Variants in TMPRSS6 observed in about 807,000 individuals in gnomAD.
TMPRSS6 encodes the protein transmembrane protease serine 6.
Under a neutral mutation model 101.5 loss-of-function variants are expected in TMPRSS6, and 67 were observed. That is an observed-to-expected ratio of 0.66 (90% CI 0.54 to 0.81). The LOEUF (loss-of-function observed/expected upper bound fraction) is 0.81. Among genes scored for constraint, TMPRSS6 ranks in the 30% least tolerant of loss-of-function variants. The probability of loss-of-function intolerance (pLI) is 0.00; values close to 1 mark genes in which losing one functional copy is unlikely to be tolerated. For missense variants in TMPRSS6, 1,034 were observed against 1,088.7 expected (o/e 0.95, Z 0.71); for synonymous variants, 453 against 464.9 (o/e 0.97, Z 0.33).
chr22:37,091,278 G>A (rs535813675), intron 6 of TMPRSS6, among the ~76,000 whole-genome samples: 50 of 152,308 alleles, frequency 3.3e-4, no homozygotes, highest in African/African-American at 1.1e-3. Flanking sequence ...GATGTGGGAG[G>A]CAGCCTGGTG....
At chr22:37,081,443 G>A (rs576422706) in intron 10 of TMPRSS6, among the ~76,000 whole-genome samples, 100 of 152,298 alleles carry the variant, frequency 6.6e-4, no homozygotes, top group African/African-American at 2.3e-3. Context: ...TTGGAATGGC[G>A]TTTGGCCAGG....
At position 37,101,815 on chromosome 22, in the gene TMPRSS6, C is replaced by T. The variant is rs1291788794; in HGVS notation, c.202+1401G>A. 1.3e-5 allele frequency among the ~76,000 whole-genome samples: 2 copies of T among 152,176 alleles called. No homozygotes were observed. The highest frequency in any genetic ancestry group is 1.3e-4 in the Admixed American group (2 of 15,282). On this transcript the variant is annotated intron_variant, in intron 2 of 17. Coordinates refer to ENST00000676104, the MANE Select transcript of TMPRSS6 (RefSeq NM_001374504.1). The surrounding 1 kb of genome is among the most constrained non-coding windows in gnomAD (Gnocchi z 4.1). Reference sequence around the variant, plus strand: ...GCAGGTGAGTTCCTGGCCCTCCAGCCCAGTGCCCCGTGGTTTACCCTGTAG... The same window carrying T: ...GCAGGTGAGTTCCTGGCCCTCCAGCTCAGTGCCCCGTGGTTTACCCTGTAG...
chr22:37,082,307 C>G (rs1928332799), intron 10 of TMPRSS6, among the ~76,000 whole-genome samples: 1 of 152,206 alleles, frequency 6.6e-6, no homozygotes, highest in African/African-American at 2.4e-5. Context: ...CCCCACAACC[C>G]CTGAATGCTG....
chr22:37,103,691 A>G lies in TMPRSS6; in HGVS notation c.-1-273T>C, dbSNP rs1413478017. The G allele has an allele frequency of 1.4e-5, 16 of 1,143,400 alleles. No individual in the cohort carries two copies. In the South Asian group the frequency reaches 1.8e-4, roughly 13 times the overall value. The allele number at this position is 1,143,400 out of a possible 1,614,324, so 70.8% of individuals were successfully genotyped here. On this transcript the variant is annotated intron_variant, in intron 1 of 17. Coordinates refer to ENST00000676104, the MANE Select transcript of TMPRSS6 (RefSeq NM_001374504.1). The surrounding 1 kb of genome is among the most constrained non-coding windows in gnomAD (Gnocchi z 4.4). ...GCTTCCCACTGGCTTCCCTATGGTC[A>G]GAGGACAGACGGAGGTCTCAGTACC... is the stretch of plus-strand genomic sequence containing the variant.
chr22:37,084,456 G>C, intron 9 of TMPRSS6, 52 bp from the exon 10 acceptor site: 1 of 1,344,666 alleles, frequency 7.4e-7, no homozygotes, highest in South Asian at 1.2e-5. Context: ...GGCCAGGTTG[G>C]TGAACCCACC....
Position 37,103,790 on chromosome 22 carries a change from T to A in TMPRSS6, c.-1-372A>T, listed in dbSNP as rs377481248. On this transcript the variant is annotated intron_variant, in intron 1 of 17. Coordinates refer to ENST00000676104, the MANE Select transcript of TMPRSS6 (RefSeq NM_001374504.1). The surrounding 1 kb of genome is among the most constrained non-coding windows in gnomAD (Gnocchi z 4.4). ...CATGGGGTGCAGACTTCTGTAGACA[T>A]CTGACCTCTTGCCCTCATTTCCCGT... 7.8e-4 allele frequency: 465 copies of A among 599,450 alleles called. 3 individuals carry two copies. The South Asian group carries it at 8.8e-3, about 11-fold the overall frequency. 37.1% of individuals were successfully genotyped at this position (599,450 alleles called of 1,614,324 possible).
chr22:37,102,526 A>G (rs752899050), intron 2 of TMPRSS6, among the ~76,000 whole-genome samples: 32 of 152,340 alleles, frequency 2.1e-4, no homozygotes, highest in African/African-American at 7.2e-4. Context: ...CATTTATTCC[A>G]TGAATGAATG....
At chr22:37,070,895 C>CG (rs1568997545) in intron 14 of TMPRSS6, 21 bp downstream of exon 14, 1 of 1,609,500 alleles carries the variant, frequency 6.2e-7, no homozygotes, top group Admixed American at 1.7e-5. Context: ...TCCAGGGCCC[C>CG]GGCAGCCAGG....
In TMPRSS6 at chr22:37,101,130, T is replaced by G. The variant is rs1463751396; in HGVS notation, c.202+2086A>C. On this transcript the variant is annotated intron_variant, in intron 2 of 17. Transcript: ENST00000676104. This position sits in a 1 kb window ranked among gnomAD's most constrained non-coding sequence, Gnocchi z 4.1. ...ATGGGGGAGGCACCCCAAGGGACAC[T>G]GGGGGAGAGAGGGCATCCTTGCTGG... Among the ~76,000 whole-genome samples the G allele has an allele frequency of 6.6e-6, 1 of 150,798 alleles. No individual in the cohort carries two copies. Among genetic ancestry groups the G allele is most frequent in the Non-Finnish European group, 1.5e-5 (1 of 67,682 alleles).
At chr22:37,094,428 T>TAGATAGAG (rs1555891517) in intron 6 of TMPRSS6, among the ~76,000 whole-genome samples, 3,741 of 136,192 alleles carry the variant, frequency 0.027, 62 homozygotes, top group East Asian at 0.043. Context: ...GATAGATAGA[T>TAGATAGAG]ATAAACAGAC....
At chr22:37,085,357 G>C (rs376038322) in intron 8 of TMPRSS6, among the ~76,000 whole-genome samples, 1 of 152,086 alleles carries the variant, frequency 6.6e-6, no homozygotes, top group Non-Finnish European at 1.5e-5. Flanking sequence ...CTCCCGCCTC[G>C]AGCCTGTGTC....
chr22:37,084,793 G>A lies in TMPRSS6; in HGVS notation c.1020C>T (p.Gly340=), dbSNP rs199892352. The A allele has an allele frequency of 4.7e-4, 733 of 1,564,520 alleles. 1 individual carries two copies. Among genetic ancestry groups the A allele is most frequent in the East Asian group, 1.6e-4 (7 of 42,442 alleles). The part of the protein sequence containing the change: ...LTLDNRLDSQ[G]VLSTPYFPSY... ...TGGGGAAGTACGGGGTGCTGAGGAC[G>A]CCCTGGGAGTCGAGCCTGTTGTCCA... Residue 340 remains glycine, a synonymous_variant, in exon 9 of 18, where the codon GGC becomes GGT. Coordinates refer to ENST00000676104, the MANE Select transcript of TMPRSS6 (RefSeq NM_001374504.1).
chr22:37,077,100 C>T (rs1601531969), intron 10 of TMPRSS6, among the ~76,000 whole-genome samples: 1 of 152,194 alleles, frequency 6.6e-6, no homozygotes, highest in South Asian at 2.1e-4. Context: ...GTGGCTGGGG[C>T]TGAGCCTCAT....
intron 6 of TMPRSS6, 130 bp downstream of exon 6, chr22:37,095,421 C>A: frequency 8.7e-7 from 1 of 1,150,922 alleles, no homozygotes; most frequent in South Asian, 1.4e-5. Context: ...ACCATGGCAT[C>A]CCCTGGGTGA....
intron 16 of TMPRSS6, among the ~76,000 whole-genome samples, chr22:37,067,859 C>A (rs1013436707): frequency 2.0e-5 from 3 of 152,144 alleles, no homozygotes; most frequent in African/African-American, 4.8e-5. Context: ...TCGCCCAAGG[C>A]CCTGTCTGCC....
At chr22:37,104,499 C>T (rs988849839) in intron 1 of TMPRSS6, among the ~76,000 whole-genome samples, 4 of 152,184 alleles carry the variant, frequency 2.6e-5, no homozygotes, top group African/African-American at 9.7e-5. Context: ...GGTTCCAACT[C>T]TATTTTGAGA....
chr22:37,104,470 G>A (rs776797964), intron 1 of TMPRSS6, among the ~76,000 whole-genome samples: 16 of 152,112 alleles, frequency 1.1e-4, no homozygotes, highest in South Asian at 2.1e-4. Flanking sequence ...ACTGAATGTC[G>A]CCCCTCTCCA....
At chr22:37,078,684 AGAG>A (rs1296654780) in intron 10 of TMPRSS6, among the ~76,000 whole-genome samples, 11 of 77,816 alleles carry the variant, frequency 1.4e-4, no homozygotes, top group Non-Finnish European at 2.6e-4. Context: ...TAGAAGGAGA[AGAG>A]GAAGAGGAAG....
At chr22:37,072,488 GGAT>G (rs201833809) in intron 13 of TMPRSS6, among the ~76,000 whole-genome samples, 3 of 141,136 alleles carry the variant, frequency 2.1e-5, no homozygotes, top group East Asian at 2.2e-4. Flanking sequence ...GATGGATGAT[GGAT>G]GATGGATGGA....
Sources: allele counts gnomAD v4.1 joint callset (sites outside exome capture counted in the v4.1 genomes callset), GRCh38; gene constraint gnomAD v4.1.1; non-coding constraint Gnocchi (gnomAD v3.1); transcripts MANE v1.5; gene names NCBI Gene and HGNC (gene_info 2026-07-23, HGNC 2026-07-21).